SLMAP: variants seen among roughly 807,000 people sequenced by gnomAD.
SLMAP encodes the protein sarcolemmal membrane-associated protein.
Under a neutral mutation model 128.8 loss-of-function variants are expected in SLMAP, and 44 were observed. The observed-to-expected ratio is 0.34, with a 90% CI of 0.27 to 0.44. SLMAP has a LOEUF of 0.44. Ranked by LOEUF, SLMAP falls within the 20% of genes least tolerant of loss-of-function variation. The pLI, the probability that SLMAP is intolerant of heterozygous loss-of-function variation, is 1.00. For synonymous variants in SLMAP, 327 were observed against 348.8 expected (o/e 0.94, Z 0.70); for missense variants, 787 against 985.3 (o/e 0.80, Z 2.69).
At chr3:57,858,214 C>A (rs1222126545) in intron 8 of SLMAP, 55 bp downstream of exon 8, 11 of 963,616 alleles carry the variant, frequency 1.1e-5, no homozygotes, top group Non-Finnish European at 1.8e-5. Flanking sequence ...TATGTAACAT[C>A]ATTTCTTTGA....
At chr3:57,828,640 C>G (rs1054499377) in intron 2 of SLMAP, among the ~76,000 whole-genome samples, 26 of 152,146 alleles carry the variant, frequency 1.7e-4, no homozygotes, top group African/African-American at 6.3e-4. Context: ...AAGCCATTAG[C>G]AGGTTGAAAG....
chr3:57,780,119 C>A (rs1003985182), intron 2 of SLMAP, among the ~76,000 whole-genome samples: 5 of 151,670 alleles, frequency 3.3e-5, no homozygotes, highest in Admixed American at 6.6e-5. Context: ...ATTAATGTTC[C>A]CTTTTTTTTT....
At chr3:57,850,574 A>C (rs1007628927) in intron 6 of SLMAP, among the ~76,000 whole-genome samples, 1 of 152,008 alleles carries the variant, frequency 6.6e-6, no homozygotes, top group East Asian at 1.9e-4. Context: ...GTGAGCCGCC[A>C]TGCCGAGCCC....
At chr3:57,845,018 A>G (rs1271929814) in intron 4 of SLMAP, among the ~76,000 whole-genome samples, 1 of 152,192 alleles carries the variant, frequency 6.6e-6, no homozygotes, top group African/African-American at 2.4e-5. Context: ...AAAAGGATAT[A>G]TACCCACAAT....
At chr3:57,803,579 G>A (rs2089111937) in intron 2 of SLMAP, among the ~76,000 whole-genome samples, 1 of 152,148 alleles carries the variant, frequency 6.6e-6, no homozygotes, top group African/African-American at 2.4e-5. Flanking sequence ...TTTTAGTACT[G>A]TATAAATAAA....
At chr3:57,913,133 C>A (rs1403679700) in intron 20 of SLMAP, 25 bp from the exon 21 acceptor site, 3 of 1,033,186 alleles carry the variant, frequency 2.9e-6, no homozygotes, top group South Asian at 1.4e-5. Flanking sequence ...TCTGTATTAA[C>A]AAATATGTTT....
At chr3:57,834,732 A>G (rs918736477) in intron 3 of SLMAP, among the ~76,000 whole-genome samples, 7 of 152,166 alleles carry the variant, frequency 4.6e-5, no homozygotes, top group Non-Finnish European at 7.3e-5. Context: ...AGAACCTAGC[A>G]TATCATTAAT....
intron 2 of SLMAP, among the ~76,000 whole-genome samples, chr3:57,793,338 A>T (rs2085944675): frequency 6.6e-6 from 1 of 152,184 alleles, no homozygotes; most frequent in African/African-American, 2.4e-5. Context: ...TCATTTCTAG[A>T]TATGAATTTC....
intron 2 of SLMAP, among the ~76,000 whole-genome samples, chr3:57,785,251 A>G (rs1410708815): frequency 6.6e-6 from 1 of 152,230 alleles, no homozygotes; most frequent in Non-Finnish European, 1.5e-5. Flanking sequence ...TAATGATGCC[A>G]TAGTTGCCTT....
intron 14 of SLMAP, among the ~76,000 whole-genome samples, chr3:57,879,712 G>A (rs768564307): frequency 1.3e-5 from 2 of 152,176 alleles, no homozygotes; most frequent in Non-Finnish European, 2.9e-5. Flanking sequence ...GGAGGCCGAG[G>A]TGGGTGGATC....
intron 4 of SLMAP, among the ~76,000 whole-genome samples, chr3:57,846,040 C>G (rs1577482816): frequency 6.6e-6 from 1 of 152,170 alleles, no homozygotes; most frequent in African/African-American, 2.4e-5. Context: ...TGACGTTTCA[C>G]TGTGTTGGCC....
At chr3:57,771,410 TTA>T (rs1222169127) in intron 2 of SLMAP, among the ~76,000 whole-genome samples, 1 of 152,198 alleles carries the variant, frequency 6.6e-6, no homozygotes, top group Non-Finnish European at 1.5e-5. Context: ...TTAAAATTTT[TTA>T]TAGAGATGGA....
chr3:57,810,063 C>CT lies in SLMAP; in HGVS notation c.199-21319dup, dbSNP rs372981397. 1.2e-3 allele frequency among the ~76,000 whole-genome samples: 178 copies of CT among 152,312 alleles called. 1 individual carries two copies. The highest frequency in any genetic ancestry group is 4.1e-3 in the African/African-American group (172 of 41,590). On this transcript the variant is annotated intron_variant, in intron 2 of 24. Coordinates refer to ENST00000671191, the MANE Select transcript of SLMAP (RefSeq NM_001377540.1). ...AGACCTGGAGCTCCCCAAGCCAGGG[C>CT]TGTGACTCTTTGGTTCCCTGTGGTT...
chr3:57,907,715 T>G (rs2096603436), intron 17 of SLMAP, among the ~76,000 whole-genome samples, 169 bp from the exon 18 acceptor site: 4 of 152,242 alleles, frequency 2.6e-5, no homozygotes, highest in Middle Eastern at 3.2e-3. Flanking sequence ...GTATTTGTAT[T>G]TTCTCCCAAC....
chr3:57,867,016 A>G (rs947867259), intron 13 of SLMAP, among the ~76,000 whole-genome samples: 1 of 152,200 alleles, frequency 6.6e-6, no homozygotes, highest in Non-Finnish European at 1.5e-5. Context: ...TGTCTCTACA[A>G]AAAATACAAA....
chr3:57,764,724 T>C (rs1280497008), intron 2 of SLMAP, among the ~76,000 whole-genome samples: 3 of 152,268 alleles, frequency 2.0e-5, no homozygotes, highest in Non-Finnish European at 4.4e-5. Context: ...GTGAGGAAAT[T>C]GAGGCACAGA....
intron 14 of SLMAP, among the ~76,000 whole-genome samples, chr3:57,886,566 GA>G (rs1272589260): frequency 1.5e-4 from 22 of 144,862 alleles, no homozygotes; most frequent in African/African-American, 5.6e-4. Context: ...GAAAATATAA[GA>G]AAAAGGCAAG....
chr3:57,921,934 A>G (rs762394757), intron 22 of SLMAP, among the ~76,000 whole-genome samples: 1 of 152,066 alleles, frequency 6.6e-6, no homozygotes, highest in Non-Finnish European at 1.5e-5. Flanking sequence ...CAAACTCCTG[A>G]CCTCAGGTGA....
intron 2 of SLMAP, among the ~76,000 whole-genome samples, chr3:57,778,911 T>G (rs2153456591): frequency 6.6e-6 from 1 of 152,324 alleles, no homozygotes; most frequent in East Asian, 1.9e-4. Context: ...GCTGAATTTC[T>G]GTATATCTAT....
Sources: gnomAD v4.1 joint callset for allele counts (sites outside exome capture counted in the v4.1 genomes callset) on GRCh38, gnomAD v4.1.1 for gene constraint, MANE v1.5 for transcripts, NCBI Gene and HGNC (gene_info 2026-07-23, HGNC 2026-07-21) for gene names.